SLC8B1: variants seen among roughly 807,000 people sequenced by gnomAD.
SLC8B1 encodes solute carrier family 8 member B1.
In SLC8B1, 52 loss-of-function variants were observed where a neutral mutation model predicts 63.4. The ratio of observed to expected loss-of-function variants is 0.82; its 90% confidence interval spans 0.66 to 1.03. The LOEUF (loss-of-function observed/expected upper bound fraction) is 1.03, where lower values mean the gene tolerates loss of function less well. Among genes scored for constraint, SLC8B1 ranks in the 50% least tolerant of loss-of-function variants. SLC8B1 has a pLI of 0.00. For synonymous variants in SLC8B1, 336 were observed against 323.9 expected (o/e 1.04, Z -0.40); for missense variants, 657 against 741.7 (o/e 0.89, Z 1.33).
At position 113,306,636 on chromosome 12, in the gene SLC8B1, C is replaced by A. The variant is rs775261101; in HGVS notation, c.1412-61G>T. On this transcript the variant is annotated intron_variant, in intron 13 of 15. Coordinates refer to ENST00000680972, the MANE Select transcript of SLC8B1 (RefSeq NM_001358345.2). ...CGCTTCCCCCACCCTCCCTGGTCAT[C>A]CACGCCTTCATTCTCACCCACGGTC... 21 of 1,376,844 alleles carry A rather than the reference C, an allele frequency of 1.5e-5. 1 individual carries two copies. The South Asian group carries it at 2.1e-4, about 14-fold the overall frequency. The allele number at this position is 1,376,844 out of a possible 1,614,324, so 85.3% of individuals were successfully genotyped here.
chr12:113,314,324 T>C (rs1335625969), intron 11 of SLC8B1, among the ~76,000 whole-genome samples: 1 of 152,236 alleles, frequency 6.6e-6, no homozygotes, highest in Non-Finnish European at 1.5e-5. Flanking sequence ...ATCCCGACAC[T>C]GTTACAGCAC....
rs148596267 is a variant in SLC8B1 at position 113,321,299 on chromosome 12, C to T, written c.206G>A (p.Arg69Gln). 37 of 1,614,062 alleles carry T rather than the reference C, an allele frequency of 2.3e-5. No individual in the cohort carries two copies. Among genetic ancestry groups the T allele is most frequent in the East Asian group, 1.6e-4 (7 of 44,876 alleles). Residue 69 changes from arginine to glutamine, a missense_variant, in exon 3 of 16, where the codon CGG becomes CAG. Arg to Gln is a conservative substitution (Grantham distance 43). Transcript: ENST00000680972. ...ATCACTGTGGCAGTCAGGGTTGGTC[C>T]GGATGAAGTCACAGCGGTCAGAGAC... is the stretch of plus-strand genomic sequence containing the variant. Reference protein sequence around the residue: ...LNVSDRCDFIRTNPDCHSDGG... With the variant: ...LNVSDRCDFIQTNPDCHSDGG...
chr12:113,325,486 TCCTGGCCTCAAGCCATCCTC>T (rs1489787364), intron 2 of SLC8B1, among the ~76,000 whole-genome samples: 1 of 152,148 alleles, frequency 6.6e-6, no homozygotes, highest in Admixed American at 6.6e-5. Context: ...GGTCTTCAAC[TCCTGGCCTCAAGCCATCCTC>T]CCACCTCAGC....
At position 113,321,324 on chromosome 12, in the gene SLC8B1, C is replaced by T. The variant is rs1956926315; in HGVS notation, c.181G>A (p.Val61Ile). 18 of 1,614,000 alleles carry T rather than the reference C, an allele frequency of 1.1e-5. No homozygotes were observed. The highest frequency in any genetic ancestry group is 2.2e-5 in the South Asian group (2 of 91,090). The stretch of plus-strand genomic sequence containing the variant: ...CGGATGAAGTCACAGCGGTCAGAGA[C>T]ATTCAGGCCACACACCTTGCGGCAC... ...VDCRKVCGLN[V>I]SDRCDFIRTN... The change falls in exon 3 of 16, where the codon GTC becomes ATC. Residue 61 changes from valine (V) to isoleucine (I), a missense_variant. Physicochemically the swap from Val to Ile is conservative, Grantham distance 29. Transcript: ENST00000680972.
At chr12:113,325,179 C>T (rs563020419) in intron 2 of SLC8B1, among the ~76,000 whole-genome samples, 1 of 152,338 alleles carries the variant, frequency 6.6e-6, no homozygotes, top group East Asian at 1.9e-4. Flanking sequence ...GTTATTACCC[C>T]TATCTCCACT....
In SLC8B1 at chr12:113,321,215, G is replaced by A. The variant is rs201609659; in HGVS notation, c.290C>T (p.Pro97Leu). Reference sequence around the variant, plus strand: ...CCTCACGTAGAGAGTGACAGCCAGAGGGAGGAGGCTGGGAGGGAAGTGGCA... The same window carrying A: ...CCTCACGTAGAGAGTGACAGCCAGAAGGAGGAGGCTGGGAGGGAAGTGGCA... The part of the protein sequence containing the change: ...IFCHFPPSLL[P>L]LAVTLYVSWL... Residue 97 changes from proline to leucine, a missense_variant, in exon 3 of 16, where the codon CCT (proline) becomes CTT (leucine). Pro to Leu is a moderately conservative substitution (Grantham distance 98, BLOSUM62 -3). Coordinates refer to ENST00000680972, the MANE Select transcript of SLC8B1 (RefSeq NM_001358345.2). 121 of 1,614,070 alleles carry A rather than the reference G, an allele frequency of 7.5e-5. No individual in the cohort carries two copies. The highest frequency in any genetic ancestry group is 9.6e-5 in the Non-Finnish European group (113 of 1,180,010).
chr12:113,313,053 C>T (rs564940331), intron 11 of SLC8B1, among the ~76,000 whole-genome samples: 1 of 152,090 alleles, frequency 6.6e-6, no homozygotes, highest in South Asian at 2.1e-4. Flanking sequence ...TTACAGACAC[C>T]CATCACCATA....
intron 10 of SLC8B1, 142 bp from the exon 11 acceptor site, chr12:113,315,618 T>G (rs1956825290): frequency 9.8e-7 from 1 of 1,015,584 alleles, no homozygotes; most frequent in African/African-American, 1.6e-5. Context: ...AAGTGCCTGG[T>G]TGCCTCTGGC....
At position 113,327,997 on chromosome 12, in the gene SLC8B1, G is replaced by A. The variant is rs773158735; in HGVS notation, c.156+4726C>T. On this transcript the variant is annotated intron_variant, in intron 2 of 15. Coordinates refer to ENST00000680972, the MANE Select transcript of SLC8B1 (RefSeq NM_001358345.2). ...ACGTCTCCAAAAAAAAAAAAAAAAGGTTGCATTATCATCATCTAAGTTTTA... is the reference window on the plus strand; with the variant it reads ...ACGTCTCCAAAAAAAAAAAAAAAAGATTGCATTATCATCATCTAAGTTTTA... 1.0e-4 allele frequency among the ~76,000 whole-genome samples: 14 copies of A among 138,052 alleles called. No individual in the cohort carries two copies. In the Middle Eastern group the frequency reaches 0.011, roughly 110 times the overall value. 90.6% of individuals were successfully genotyped at this position (138,052 alleles called of 152,430 possible).
intron 11 of SLC8B1, among the ~76,000 whole-genome samples, chr12:113,313,893 C>T (rs1328631624): frequency 1.3e-5 from 2 of 152,016 alleles, no homozygotes; most frequent in African/African-American, 4.8e-5. Flanking sequence ...GCCTGTAATC[C>T]CAGCTACTCG....
At position 113,316,595 on chromosome 12, in the gene SLC8B1, G is replaced by C. The variant is rs183659475; in HGVS notation, c.924C>G (p.Ala308=). The C allele has an allele frequency of 1.7e-5, 27 of 1,614,210 alleles. No homozygotes were observed. Among genetic ancestry groups the C allele is most frequent in the Non-Finnish European group, 4.2e-6 (5 of 1,180,042 alleles). Residue 308 remains alanine (A), a synonymous_variant, in exon 10 of 16, where the codon GCC becomes GCG. Coordinates refer to ENST00000680972, the MANE Select transcript of SLC8B1 (RefSeq NM_001358345.2). ...ACTTCATGTAATCCAGGGGATTGAG[G>C]GCCCGGACCAGGATCTGAGCCGTGG... ...QETTAQILVR[A]LNPLDYMKWR...
At chr12:113,319,363 G>C in intron 7 of SLC8B1, 1 of 313,024 alleles carries the variant, frequency 3.2e-6, no homozygotes, top group South Asian at 3.0e-5. Flanking sequence ...TGTGCCCTGG[G>C]AGGAGGCAGC....
chr12:113,321,560 T>TA (rs1348812711), intron 2 of SLC8B1, among the ~76,000 whole-genome samples: 1 of 152,054 alleles, frequency 6.6e-6, no homozygotes, highest in Non-Finnish European at 1.5e-5. Flanking sequence ...ATTTGTTTTT[T>TA]AAAAAAACCA....
intron 1 of SLC8B1, among the ~76,000 whole-genome samples, chr12:113,333,928 G>C (rs73430128): frequency 0.13 from 20,428 of 152,226 alleles, 1,484 homozygotes; most frequent in East Asian, 0.2. Context: ...AGGCTGGTCT[G>C]GAACTCCTAG....
chr12:113,302,729 GAGTA>G, intron 15 of SLC8B1: 1 of 454,088 alleles, frequency 2.2e-6, no homozygotes, highest in Non-Finnish European at 4.4e-6. Context: ...GAAACTGACA[GAGTA>G]AGTGACAGAG....
chr12:113,313,711 C>T (rs928072405), intron 11 of SLC8B1, among the ~76,000 whole-genome samples: 5 of 151,552 alleles, frequency 3.3e-5, no homozygotes, highest in African/African-American at 4.9e-5. Flanking sequence ...TGCACTCCAG[C>T]GTGGGTGACA....
intron 2 of SLC8B1, among the ~76,000 whole-genome samples, chr12:113,328,461 C>T (rs771044537): frequency 6.6e-6 from 1 of 152,178 alleles, no homozygotes; most frequent in Non-Finnish European, 1.5e-5. Flanking sequence ...TTCTAATGTG[C>T]TCCCTCCTCC....
intron 10 of SLC8B1, 140 bp from the exon 11 acceptor site, chr12:113,315,616 G>A: frequency 9.8e-6 from 10 of 1,023,520 alleles, no homozygotes; most frequent in Non-Finnish European, 9.6e-6. Flanking sequence ...CTAAGTGCCT[G>A]GTTGCCTCTG....
chr12:113,311,747 A>T (rs1296441664), intron 11 of SLC8B1, among the ~76,000 whole-genome samples: 1 of 132,486 alleles, frequency 7.5e-6, no homozygotes, highest in East Asian at 2.3e-4. Flanking sequence ...TGTATCAACC[A>T]GGCTGGAGTG....
Sources: allele counts gnomAD v4.1 joint callset (sites outside exome capture counted in the v4.1 genomes callset), GRCh38; gene constraint gnomAD v4.1.1; transcripts MANE v1.5; gene names NCBI Gene and HGNC (gene_info 2026-07-23, HGNC 2026-07-21).